IMMP2L: variants seen among roughly 807,000 people sequenced by gnomAD.
IMMP2L encodes the protein inner mitochondrial membrane peptidase subunit 2.
Under a neutral mutation model 19.3 loss-of-function variants are expected in IMMP2L, and 18 were observed. That is an observed-to-expected ratio of 0.93 (90% confidence interval 0.64 to 1.38). The LOEUF (loss-of-function observed/expected upper bound fraction) is 1.38. Ranked by LOEUF, IMMP2L falls within the 40% of genes most tolerant of loss-of-function variation. The probability of loss-of-function intolerance (pLI) is 0.00; values close to 1 mark genes in which losing one functional copy is unlikely to be tolerated. For missense variants in IMMP2L, 233 were observed against 218.2 expected (o/e 1.07, Z -0.43); for synonymous variants, 76 against 73.0 (o/e 1.04, Z -0.21).
Position 110,807,689 on chromosome 7 carries a change from A to T in IMMP2L, c.408+78904T>A, listed in dbSNP as rs181442413. The stretch of plus-strand genomic sequence containing the variant: ...AGAAAATGATTACAACTTTTTGTAA[A>T]GAAGTCTTTAAATCTATCCTTTTAA... On this transcript the variant is annotated intron_variant, in intron 5 of 5. Coordinates refer to ENST00000405709, the MANE Select transcript of IMMP2L (RefSeq NM_032549.4). 7.2e-5 allele frequency among the ~76,000 whole-genome samples: 11 copies of T among 152,198 alleles called. No individual in the cohort carries two copies. In the East Asian group the frequency reaches 2.1e-3, roughly 30 times the overall value.
At chr7:110,872,399 T>G (rs189971411) in intron 5 of IMMP2L, among the ~76,000 whole-genome samples, 1 of 152,196 alleles carries the variant, frequency 6.6e-6, no homozygotes, top group Non-Finnish European at 1.5e-5. Context: ...CTTCATGATA[T>G]TGTACCTCTG....
chr7:111,242,740 C>T (rs1004993051), intron 3 of IMMP2L, among the ~76,000 whole-genome samples: 1 of 151,840 alleles, frequency 6.6e-6, no homozygotes, highest in African/African-American at 2.4e-5. Context: ...AAGCCTATGG[C>T]ACAACTAGAT....
At chr7:110,677,890 G>C (rs1473992203) in intron 5 of IMMP2L, among the ~76,000 whole-genome samples, 1 of 152,094 alleles carries the variant, frequency 6.6e-6, no homozygotes, top group African/African-American at 2.4e-5. Context: ...AGCTTTCTTT[G>C]TGGGAAATGA....
intron 3 of IMMP2L, among the ~76,000 whole-genome samples, chr7:111,427,094 C>A (rs1274564609): frequency 6.7e-6 from 1 of 148,284 alleles, no homozygotes; most frequent in East Asian, 1.9e-4. Context: ...ACTGATCACC[C>A]AAGACTGGTA....
intron 3 of IMMP2L, among the ~76,000 whole-genome samples, chr7:111,412,282 A>C (rs973963602): frequency 6.6e-6 from 1 of 151,818 alleles, no homozygotes; most frequent in African/African-American, 2.4e-5. Flanking sequence ...AGGATATAAA[A>C]TACTTCAGTG....
intron 5 of IMMP2L, among the ~76,000 whole-genome samples, chr7:110,840,700 T>A (rs1804984844): frequency 6.6e-6 from 1 of 152,192 alleles, no homozygotes; most frequent in East Asian, 1.9e-4. Flanking sequence ...ATAATTTGTG[T>A]ATATGTAACA....
chr7:110,803,115 G>A lies in IMMP2L; in HGVS notation c.408+83478C>T, dbSNP rs1358434. 0.24 allele frequency among the ~76,000 whole-genome samples: 37,043 copies of A among 152,016 alleles called. 4,633 individuals are homozygous for A. The highest frequency in any genetic ancestry group is 0.28 in the Non-Finnish European group (19,011 of 67,950). ...ATAGATGAGTTTGTGTCTTAGCCTT[G>A]AAGGATGTATAGGATTAGGATAGGT... On this transcript the variant is annotated intron_variant, in intron 5 of 5. Coordinates refer to ENST00000405709, the MANE Select transcript of IMMP2L (RefSeq NM_032549.4). This position sits in a 1 kb window ranked among gnomAD's most constrained non-coding sequence, Gnocchi z 4.2.
In IMMP2L at chr7:110,980,227, C is replaced by CTTTTTTTTTTTTT. The variant is rs1218434499; in HGVS notation, c.240-16675_240-16663dup. Among the ~76,000 whole-genome samples, 7 of 91,896 alleles carry CTTTTTTTTTTTTT rather than the reference C, an allele frequency of 7.6e-5. 1 individual carries two copies. Among genetic ancestry groups the CTTTTTTTTTTTTT allele is most frequent in the Non-Finnish European group, 1.4e-4 (7 of 48,914 alleles). The allele number at this position is 91,896 out of a possible 152,430, so 60.3% of individuals were successfully genotyped here. ...TTATATGACTGTATTTGTGCTGCTTCTTTTTTTTTTTTTTTTTTTTTTAGG... is the reference window on the plus strand; with the variant it reads ...TTATATGACTGTATTTGTGCTGCTTCTTTTTTTTTTTTTTTTTTTTTTTTTTTTTTTTTTTAGG... On this transcript the variant is annotated intron_variant, in intron 3 of 5. Coordinates refer to ENST00000405709, the MANE Select transcript of IMMP2L (RefSeq NM_032549.4).
chr7:111,344,006 A>T (rs1760206397), intron 3 of IMMP2L, among the ~76,000 whole-genome samples: 1 of 152,104 alleles, frequency 6.6e-6, no homozygotes, highest in African/African-American at 2.4e-5. Context: ...GATATTTTGA[A>T]TCTGACCACT....
chr7:111,452,863 AT>A (rs1563211074), intron 3 of IMMP2L, among the ~76,000 whole-genome samples: 1 of 152,178 alleles, frequency 6.6e-6, no homozygotes, highest in African/African-American at 2.4e-5. Context: ...TAACAAAAAA[AT>A]GTACATATTT....
intron 5 of IMMP2L, among the ~76,000 whole-genome samples, chr7:110,738,355 A>G (rs1796773695): frequency 6.6e-6 from 1 of 152,188 alleles, no homozygotes. Context: ...AATAGATAGC[A>G]TAAATAAAAA....
chr7:111,322,190 T>C (rs1186375395), intron 3 of IMMP2L, among the ~76,000 whole-genome samples: 1 of 151,924 alleles, frequency 6.6e-6, no homozygotes, highest in Admixed American at 6.6e-5. Flanking sequence ...ATAGCCACTA[T>C]AAGACTTGAT....
At chr7:110,907,153 G>A (rs962962823) in intron 4 of IMMP2L, among the ~76,000 whole-genome samples, 2 of 152,168 alleles carry the variant, frequency 1.3e-5, no homozygotes, top group Admixed American at 6.5e-5. Flanking sequence ...GATGGCTTAA[G>A]TGTTAACAGC....
rs540956927 is a variant in IMMP2L, at chr7:111,526,310, T to C, written c.-2-4861A>G. Among the ~76,000 whole-genome samples, 5 of 149,598 alleles carry C rather than the reference T, an allele frequency of 3.3e-5. No homozygotes were observed. The East Asian group carries it at 5.8e-4, about 17-fold the overall frequency. ...ACATAAAAGTATTTAAAATTGAATATTTATATTGTTTTAATTGTTTAATAA... is the reference window on the plus strand; with the variant it reads ...ACATAAAAGTATTTAAAATTGAATACTTATATTGTTTTAATTGTTTAATAA... On this transcript the variant is annotated intron_variant, in intron 1 of 5. Transcript: ENST00000405709.
At chr7:111,034,062 T>C (rs1791094142) in intron 3 of IMMP2L, among the ~76,000 whole-genome samples, 1 of 152,146 alleles carries the variant, frequency 6.6e-6, no homozygotes, top group Non-Finnish European at 1.5e-5. Flanking sequence ...ATGCTTTTTA[T>C]GTTGAATTTT....
At chr7:111,069,205 G>C (rs10224054) in intron 3 of IMMP2L, among the ~76,000 whole-genome samples, 3,170 of 152,288 alleles carry the variant, frequency 0.021, 103 homozygotes, top group African/African-American at 0.072. Context: ...TTTTACTGGT[G>C]ATGACTGCTG....
rs189508337 is a variant in IMMP2L, at chr7:111,051,531, C to T, written c.240-87966G>A. On this transcript the variant is annotated intron_variant, in intron 3 of 5. Transcript: ENST00000405709. ...ATAAAAACTCTTTATAAACAGAAGG[C>T]TGCTTATGTCAGTTCAAAAATTCTG... Among the ~76,000 whole-genome samples, 62 of 152,250 alleles carry T rather than the reference C, an allele frequency of 4.1e-4. 1 individual carries two copies. Among genetic ancestry groups the T allele is most frequent in the African/African-American group, 1.5e-3 (61 of 41,560 alleles).
At chr7:110,988,518 A>C (rs1232241124) in intron 3 of IMMP2L, among the ~76,000 whole-genome samples, 1 of 152,180 alleles carries the variant, frequency 6.6e-6, no homozygotes, top group Non-Finnish European at 1.5e-5. Context: ...CAGGAAGAAA[A>C]GGAAAGCACC....
At chr7:110,989,477 G>A (rs1822219414) in intron 3 of IMMP2L, among the ~76,000 whole-genome samples, 1 of 144,626 alleles carries the variant, frequency 6.9e-6, no homozygotes, top group South Asian at 2.2e-4. Flanking sequence ...AGCCTAGGAG[G>A]TCAAGGATGT....
Sources: allele counts gnomAD v4.1 joint callset (sites outside exome capture counted in the v4.1 genomes callset), GRCh38; gene constraint gnomAD v4.1.1; non-coding constraint Gnocchi (gnomAD v3.1); transcripts MANE v1.5; gene names NCBI Gene and HGNC (gene_info 2026-07-23, HGNC 2026-07-21).